MTHFD2L: variants seen among roughly 807,000 people sequenced by gnomAD.
MTHFD2L encodes methylenetetrahydrofolate dehydrogenase (NADP+ dependent) 2 like, also known as bifunctional methylenetetrahydrofolate dehydrogenase/cyclohydrolase 2, mitochondrial.
MTHFD2L carries 29 observed loss-of-function variants against 34.9 expected under a neutral mutation model. The ratio of observed to expected loss-of-function variants is 0.83; its 90% CI spans 0.62 to 1.13. MTHFD2L has a LOEUF of 1.13. Ranked by LOEUF, MTHFD2L falls within the 50% of genes most tolerant of loss-of-function variation. MTHFD2L has a pLI of 0.00. For synonymous variants in MTHFD2L, 167 were observed against 155.7 expected (o/e 1.07, Z -0.54); for missense variants, 481 against 446.5 (o/e 1.08, Z -0.70).
At chr4:74,169,158 T>C (rs753969658) in intron 1 of MTHFD2L, among the ~76,000 whole-genome samples, 1 of 152,238 alleles carries the variant, frequency 6.6e-6, no homozygotes, top group Non-Finnish European at 1.5e-5. Flanking sequence ...GGCTGTATCA[T>C]GTCTGCTGTA....
chr4:74,210,323 G>A (rs1736085483), intron 5 of MTHFD2L, among the ~76,000 whole-genome samples: 2 of 152,150 alleles, frequency 1.3e-5, no homozygotes, highest in African/African-American at 4.8e-5. Flanking sequence ...ATGGTTTTAG[G>A]CCTTTTGTTT....
rs182734505 is a variant in MTHFD2L at position 74,180,230 on chromosome 4, T to C, written c.451+4827T>C. Among the ~76,000 whole-genome samples, 148 of 152,236 alleles carry C rather than the reference T, an allele frequency of 9.7e-4. 2 individuals carry two copies. The highest frequency in any genetic ancestry group is 6.2e-4 in the South Asian group (3 of 4,822). Reference sequence around the variant, plus strand: ...AGCAAGGGCTGGACATCAGCCTTCATGTTTTACAGAATAAATGGAGCTCAT... The same window carrying C: ...AGCAAGGGCTGGACATCAGCCTTCACGTTTTACAGAATAAATGGAGCTCAT... On this transcript the variant is annotated intron_variant, in intron 3 of 7. Coordinates refer to ENST00000325278, the MANE Select transcript of MTHFD2L (RefSeq NM_001144978.3).
rs557605908 is a variant in MTHFD2L, at chr4:74,247,413, T to C, written c.805+22019T>C. On this transcript the variant is annotated intron_variant, in intron 6 of 7. Coordinates refer to ENST00000325278, the MANE Select transcript of MTHFD2L (RefSeq NM_001144978.3). ...ATGGGGTTTTCTAGATATACAATCA[T>C]GTCATCTGCAAACAGGGACAATTTG... Among the ~76,000 whole-genome samples the C allele has an allele frequency of 3.9e-5, 6 of 152,054 alleles. No individual in the cohort carries two copies. In the East Asian group the frequency reaches 1.2e-3, roughly 29 times the overall value.
chr4:74,129,747 A>G (rs951508943), intron 1 of MTHFD2L, among the ~76,000 whole-genome samples: 4 of 152,172 alleles, frequency 2.6e-5, no homozygotes. Context: ...ATAGAACTGA[A>G]GGAGACAGAG....
intron 3 of MTHFD2L, among the ~76,000 whole-genome samples, chr4:74,178,316 C>T (rs1729442735): frequency 6.6e-6 from 1 of 152,058 alleles, no homozygotes; most frequent in South Asian, 2.1e-4. Flanking sequence ...TTGTACACCA[C>T]ACATATCTAC....
At chr4:74,171,469 G>A (rs1047515423) in intron 1 of MTHFD2L, among the ~76,000 whole-genome samples, 1 of 152,226 alleles carries the variant, frequency 6.6e-6, no homozygotes, top group African/African-American at 2.4e-5. Flanking sequence ...ATACACTTAC[G>A]ATGTGACCTA....
intron 2 of MTHFD2L, among the ~76,000 whole-genome samples, chr4:74,175,061 T>C (rs16850541): frequency 0.11 from 16,267 of 152,132 alleles, 1,713 homozygotes; most frequent in African/African-American, 0.27. Flanking sequence ...AACAGTAGCT[T>C]ATCTCAAACA....
Position 74,174,708 on chromosome 4 carries a change from T to C in MTHFD2L, c.328+18T>C. 1 of 1,407,746 alleles carries C rather than the reference T, an allele frequency of 7.1e-7. No homozygotes were observed. Among genetic ancestry groups the C allele is most frequent in the Non-Finnish European group, 9.4e-7 (1 of 1,068,522 alleles). 87.2% of individuals were successfully genotyped at this position (1,407,746 alleles called of 1,614,324 possible). A position where few individuals can be genotyped will look rare whatever the true frequency, so the allele number is the denominator to read the frequency against. On this transcript the variant is annotated intron_variant, in intron 2 of 7. Coordinates refer to ENST00000325278, the MANE Select transcript of MTHFD2L (RefSeq NM_001144978.3). ...TGCTGTAGGTGGGTGTGTGTTTTAG[T>C]TGTAATTACTACTAAATATGTTTTC...
chr4:74,181,743 A>G (rs570707770), intron 3 of MTHFD2L: 25 of 152,310 alleles, frequency 1.6e-4, no homozygotes, highest in African/African-American at 5.3e-4. Context: ...AGGGAATTGG[A>G]CAAAGAAATG....
At position 74,281,406 on chromosome 4, in the gene MTHFD2L, C is replaced by A. The variant is rs760866933; in HGVS notation, c.806-19C>A. 104 of 1,604,102 alleles carry A rather than the reference C, an allele frequency of 6.5e-5. No homozygotes were observed. The highest frequency in any genetic ancestry group is 8.3e-5 in the Non-Finnish European group (97 of 1,175,406). On this transcript the variant is annotated intron_variant, in intron 6 of 7. Transcript: ENST00000325278. ...CACCTTTGTTATGCTGAAGGACAAA[C>A]AACTCTTTTTGTTTTCAGGTATTCC...
intron 6 of MTHFD2L, among the ~76,000 whole-genome samples, chr4:74,272,165 A>G (rs1043826582): frequency 1.3e-5 from 2 of 152,170 alleles, no homozygotes; most frequent in Non-Finnish European, 2.9e-5. Flanking sequence ...TAAGAAAGAG[A>G]TAAATCAGGA....
chr4:74,198,630 C>G (rs972699019), intron 3 of MTHFD2L, among the ~76,000 whole-genome samples: 4 of 151,956 alleles, frequency 2.6e-5, no homozygotes, highest in Admixed American at 6.6e-5. Flanking sequence ...TATTTTTACC[C>G]TCATGTAATA....
chr4:74,148,973 T>A (rs506678), intron 1 of MTHFD2L, among the ~76,000 whole-genome samples: 151,601 of 151,778 alleles, frequency 1, 75,712 homozygotes, highest in Non-Finnish European at 1. Context: ...ATAGCCAAAT[T>A]TTGGAGTGTG....
chr4:74,258,389 A>AAC (rs141804252), intron 6 of MTHFD2L, among the ~76,000 whole-genome samples: 6,544 of 149,298 alleles, frequency 0.044, 343 homozygotes, highest in African/African-American at 0.13. Flanking sequence ...ATAGGCACAT[A>AAC]ACACACACAC....
At chr4:74,265,622 A>G (rs970330585) in intron 6 of MTHFD2L, among the ~76,000 whole-genome samples, 1 of 152,232 alleles carries the variant, frequency 6.6e-6, no homozygotes, top group African/African-American at 2.4e-5. Context: ...TTGAGTTATT[A>G]AGCTGGAAAA....
At chr4:74,237,707 T>G (rs1741050965) in intron 6 of MTHFD2L, among the ~76,000 whole-genome samples, 3 of 152,180 alleles carry the variant, frequency 2.0e-5, no homozygotes, top group African/African-American at 7.2e-5. Flanking sequence ...GATGATCCTT[T>G]CAGGACTCAT....
chr4:74,125,195 G>GTAC (rs1721985324), upstream of MTHFD2L, among the ~76,000 whole-genome samples: 1 of 152,080 alleles, frequency 6.6e-6, no homozygotes, highest in African/African-American at 2.4e-5. Flanking sequence ...GCAACTCCAG[G>GTAC]TACATGTTGA....
At chr4:74,267,317 C>T in intron 6 of MTHFD2L, 1 of 746,120 alleles carries the variant, frequency 1.3e-6, no homozygotes, top group South Asian at 6.1e-5. Context: ...TTCTTTCTTT[C>T]TCTTTCTCTC....
At chr4:74,264,157 T>G (rs1210727693) in intron 6 of MTHFD2L, among the ~76,000 whole-genome samples, 7 of 152,026 alleles carry the variant, frequency 4.6e-5, no homozygotes, top group Non-Finnish European at 5.9e-5. Context: ...AACAAAGATT[T>G]TCCTTCCCAC....
Sources: allele counts gnomAD v4.1 joint callset (sites outside exome capture counted in the v4.1 genomes callset), GRCh38; gene constraint gnomAD v4.1.1; transcripts MANE v1.5; gene names NCBI Gene and HGNC (gene_info 2026-07-23, HGNC 2026-07-21).